The following MYO3B variants were observed in gnomAD, a reference collection of about 807,000 sequenced individuals.
MYO3B encodes myosin IIIB, also known as myosin-IIIb.
A neutral mutation model predicts 174.6 loss-of-function variants in MYO3B; 156 were observed. The observed-to-expected ratio is 0.89, with a 90% CI of 0.78 to 1.02. The LOEUF is 1.02. Among genes scored for constraint, MYO3B ranks in the 50% least tolerant of loss-of-function variants. The pLI is 0.00. For synonymous variants in MYO3B, 563 were observed against 569.1 expected (o/e 0.99, Z 0.15); for missense variants, 1,632 against 1,639.4 (o/e 1.00, Z 0.08).
At chr2:170,413,825 G>A (rs558101849) in intron 22 of MYO3B, among the ~76,000 whole-genome samples, 1 of 152,142 alleles carries the variant, frequency 6.6e-6, no homozygotes, top group East Asian at 2.0e-4. Flanking sequence ...GGATCACGAG[G>A]TCAGGAGATC....
chr2:170,220,044 G>GC (rs1451681473), intron 6 of MYO3B, among the ~76,000 whole-genome samples: 7 of 152,150 alleles, frequency 4.6e-5, no homozygotes, highest in Non-Finnish European at 8.8e-5. Flanking sequence ...AGATCACGAG[G>GC]TCAGGAGATC....
intron 7 of MYO3B, among the ~76,000 whole-genome samples, chr2:170,299,343 AG>A (rs987183837): frequency 1.1e-4 from 17 of 152,194 alleles, no homozygotes; most frequent in African/African-American, 4.1e-4. Context: ...CCTCTTTTTT[AG>A]GGCCATCCTT....
chr2:170,415,735 G>C (rs1054365027), intron 22 of MYO3B, among the ~76,000 whole-genome samples: 24 of 152,052 alleles, frequency 1.6e-4, no homozygotes, highest in Non-Finnish European at 8.8e-5. Flanking sequence ...AACCATCCCT[G>C]CTCTTCTTAC....
intron 3 of MYO3B, among the ~76,000 whole-genome samples, chr2:170,213,365 CA>C (rs1457986379): frequency 6.6e-6 from 1 of 152,132 alleles, no homozygotes; most frequent in East Asian, 1.9e-4. Context: ...ATTGACCAAG[CA>C]GGGGGTACGT....
At chr2:170,221,508 GC>G (rs1235612511) in intron 6 of MYO3B, among the ~76,000 whole-genome samples, 1 of 152,140 alleles carries the variant, frequency 6.6e-6, no homozygotes, top group Non-Finnish European at 1.5e-5. Flanking sequence ...CCTCAAAGCT[GC>G]AGCATGAAAT....
At chr2:170,242,161 T>C (rs184859429) in intron 7 of MYO3B, among the ~76,000 whole-genome samples, 1 of 152,322 alleles carries the variant, frequency 6.6e-6, no homozygotes, top group African/African-American at 2.4e-5. Flanking sequence ...TATTGGCCTT[T>C]TGAGCAATGA....
chr2:170,301,398 C>G (rs370531207), intron 7 of MYO3B, among the ~76,000 whole-genome samples: 22 of 152,202 alleles, frequency 1.4e-4, no homozygotes, highest in African/African-American at 5.1e-4. Context: ...AGGAAACAAC[C>G]ACTTATAATA....
rs78735463 is a variant in MYO3B at position 170,245,039 on chromosome 2, T to C, written c.749+8903T>C. On this transcript the variant is annotated intron_variant, in intron 7 of 34. Coordinates refer to ENST00000408978, the MANE Select transcript of MYO3B (RefSeq NM_138995.5). Reference sequence around the variant, plus strand: ...ATACACTGGCTGGGGGATAATCGTGTTGGTATGAACACACTGACTGCGGGA... The same window carrying C: ...ATACACTGGCTGGGGGATAATCGTGCTGGTATGAACACACTGACTGCGGGA... Among the ~76,000 whole-genome samples, 955 of 152,218 alleles carry C rather than the reference T, an allele frequency of 6.3e-3. 3 individuals are homozygous for C. Among genetic ancestry groups the C allele is most frequent in the Admixed American group, 0.01 (154 of 15,296 alleles).
At chr2:170,285,080 G>C (rs1028698816) in intron 7 of MYO3B, among the ~76,000 whole-genome samples, 1 of 152,076 alleles carries the variant, frequency 6.6e-6, no homozygotes, top group East Asian at 1.9e-4. Flanking sequence ...TTCTGTTATT[G>C]GACTATATCA....
chr2:170,200,330 G>C, intron 3 of MYO3B, 46 bp downstream of exon 3: 1 of 1,585,066 alleles, frequency 6.3e-7, no homozygotes, highest in Non-Finnish European at 8.6e-7. Flanking sequence ...CAGAGTGCCA[G>C]AGGCCAACAG....
At chr2:170,649,822 C>CTCA (rs1698862662) in intron 32 of MYO3B, 1 of 72,914 alleles carries the variant, frequency 1.4e-5, no homozygotes, top group East Asian at 4.0e-4. Flanking sequence ...GAGACTATCT[C>CTCA]AAAAAAAAAA....
chr2:170,506,267 A>G (rs1304129196), intron 28 of MYO3B, among the ~76,000 whole-genome samples: 1 of 152,232 alleles, frequency 6.6e-6, no homozygotes. Context: ...TTGTAACAGA[A>G]CCAAGTTTTT....
chr2:170,345,506 T>A (rs1204858934), intron 8 of MYO3B, among the ~76,000 whole-genome samples: 3 of 152,174 alleles, frequency 2.0e-5, no homozygotes, highest in African/African-American at 7.2e-5. Context: ...TATGAAGGGC[T>A]ATTTAATGAT....
At chr2:170,365,406 A>G (rs1480049213) in intron 8 of MYO3B, among the ~76,000 whole-genome samples, 2 of 152,054 alleles carry the variant, frequency 1.3e-5, no homozygotes, top group Admixed American at 6.6e-5. Context: ...TTCCAATTAG[A>G]TTGTAGATCC....
At chr2:170,492,969 A>C (rs1686587324) in intron 25 of MYO3B, among the ~76,000 whole-genome samples, 1 of 152,164 alleles carries the variant, frequency 6.6e-6, no homozygotes, top group Admixed American at 6.5e-5. Context: ...ATTTTTCTTC[A>C]TTTGCACTAA....
chr2:170,400,423 C>G, intron 17 of MYO3B, 109 bp downstream of exon 17: 1 of 841,396 alleles, frequency 1.2e-6, no homozygotes, highest in Non-Finnish European at 1.7e-6. Context: ...TTTTTTTTAT[C>G]GAGATGGAGT....
intron 10 of MYO3B, 126 bp downstream of exon 10, chr2:170,382,238 G>A (rs2094341100): frequency 2.8e-6 from 2 of 725,760 alleles, no homozygotes; most frequent in Admixed American, 2.1e-5. Context: ...GTAGCTATGG[G>A]ATGAAGTTCA....
At chr2:170,393,172 C>T (rs1284551102) in intron 16 of MYO3B, among the ~76,000 whole-genome samples, 2 of 150,028 alleles carry the variant, frequency 1.3e-5, no homozygotes, top group East Asian at 2.0e-4. Context: ...CAACTTCTGT[C>T]TCCTGGCTTC....
At chr2:170,438,821 G>C (rs1174874189) in intron 22 of MYO3B, among the ~76,000 whole-genome samples, 1 of 151,922 alleles carries the variant, frequency 6.6e-6, no homozygotes, top group Non-Finnish European at 1.5e-5. Flanking sequence ...TTTTAGTAGA[G>C]ACAGGGTTTC....
Sources: allele counts gnomAD v4.1 joint callset (sites outside exome capture counted in the v4.1 genomes callset), GRCh38; gene constraint gnomAD v4.1.1; transcripts MANE v1.5; gene names NCBI Gene and HGNC (gene_info 2026-07-23, HGNC 2026-07-21).